SPOCK1: variants seen among roughly 807,000 people sequenced by gnomAD.
SPOCK1 encodes testican-1.
In SPOCK1, 23 loss-of-function variants were observed where a neutral mutation model predicts 55.3. The ratio of observed to expected loss-of-function variants is 0.42; its 90% CI spans 0.30 to 0.59. The LOEUF is 0.59. SPOCK1 is among the 20% of genes least tolerant of loss of function. SPOCK1 has a pLI of 0.22. For missense variants in SPOCK1, 499 were observed against 552.5 expected (o/e 0.90, Z 0.97); for synonymous variants, 226 against 221.0 (o/e 1.02, Z -0.20).
At chr5:137,394,213 T>C (rs1751791183) in intron 2 of SPOCK1, among the ~76,000 whole-genome samples, 1 of 152,216 alleles carries the variant, frequency 6.6e-6, no homozygotes. Flanking sequence ...CTCCTGATAT[T>C]AAGAGTTGTA....
intron 3 of SPOCK1, among the ~76,000 whole-genome samples, chr5:137,181,792 T>C (rs1056865747): frequency 2.0e-5 from 3 of 152,208 alleles, no homozygotes; most frequent in African/African-American, 7.2e-5. Flanking sequence ...GGATAATGTA[T>C]GATAATCTAA....
chr5:137,240,676 T>C (rs1342559425), intron 3 of SPOCK1, among the ~76,000 whole-genome samples: 1 of 152,198 alleles, frequency 6.6e-6, no homozygotes, highest in East Asian at 1.9e-4. Context: ...GCTCTCCTAA[T>C]GATAACCTTG....
chr5:137,249,672 G>A (rs932967129), intron 3 of SPOCK1, among the ~76,000 whole-genome samples: 44 of 152,182 alleles, frequency 2.9e-4, no homozygotes, highest in African/African-American at 1.0e-3. Flanking sequence ...TATGCTATGT[G>A]CATGTTTATT....
Position 137,383,900 on chromosome 5 carries a change from C to T in SPOCK1, c.186+114473G>A, listed in dbSNP as rs536529208. ...CGGTAAAACTCAGCACTGGCTCCCACCTCATCAGCCCAACCAAGGTCACTG... is the reference window on the plus strand; with the variant it reads ...CGGTAAAACTCAGCACTGGCTCCCATCTCATCAGCCCAACCAAGGTCACTG... On this transcript the variant is annotated intron_variant, in intron 2 of 10. Coordinates refer to ENST00000394945, the MANE Select transcript of SPOCK1 (RefSeq NM_004598.4). Among the ~76,000 whole-genome samples, 8 of 152,338 alleles carry T rather than the reference C, an allele frequency of 5.3e-5. No individual in the cohort carries two copies. In the South Asian group the frequency reaches 1.7e-3, roughly 32 times the overall value.
intron 4 of SPOCK1, among the ~76,000 whole-genome samples, chr5:137,117,407 A>G (rs1344714008): frequency 3.3e-5 from 5 of 152,248 alleles, no homozygotes; most frequent in African/African-American, 7.2e-5. Flanking sequence ...TAACCTGTTC[A>G]GTCCCAACTG....
intron 7 of SPOCK1, among the ~76,000 whole-genome samples, chr5:136,990,737 T>C (rs938064567): frequency 2.0e-5 from 3 of 152,170 alleles, no homozygotes; most frequent in Admixed American, 6.5e-5. Flanking sequence ...ATCAATTTTA[T>C]AGGATATCGA....
At chr5:137,013,826 T>C (rs1341411195) in intron 6 of SPOCK1, among the ~76,000 whole-genome samples, 1 of 152,224 alleles carries the variant, frequency 6.6e-6, no homozygotes, top group African/African-American at 2.4e-5. Flanking sequence ...CATCTACTGC[T>C]AATATTGCTA....
intron 3 of SPOCK1, among the ~76,000 whole-genome samples, chr5:137,214,960 A>C (rs908509831): frequency 3.3e-5 from 5 of 152,328 alleles, no homozygotes; most frequent in Admixed American, 1.3e-4. Context: ...TTACTCCTTA[A>C]TTGGGTGCAG....
chr5:137,029,025 G>A (rs1751729420), intron 6 of SPOCK1, among the ~76,000 whole-genome samples: 1 of 152,008 alleles, frequency 6.6e-6, no homozygotes, highest in South Asian at 2.1e-4. Context: ...CCTGCTTATG[G>A]TCAACTGAGT....
intron 3 of SPOCK1, among the ~76,000 whole-genome samples, chr5:137,150,620 A>G (rs575087467): frequency 6.6e-6 from 1 of 152,060 alleles, no homozygotes; most frequent in Non-Finnish European, 1.5e-5. Context: ...GCAGACAAGG[A>G]GTCCAGGGAA....
chr5:137,046,744 T>C (rs1480763555), intron 6 of SPOCK1, among the ~76,000 whole-genome samples: 12 of 38,040 alleles, frequency 3.2e-4, no homozygotes, highest in African/African-American at 7.4e-4. Context: ...CTTCCAGTTT[T>C]TGCCCATTCA....
chr5:137,337,875 G>C (rs1750318351), intron 2 of SPOCK1, among the ~76,000 whole-genome samples: 1 of 152,148 alleles, frequency 6.6e-6, no homozygotes, highest in African/African-American at 2.4e-5. Flanking sequence ...TGATTTGGTA[G>C]CAAGAATACA....
chr5:137,139,938 T>G (rs1199009146), intron 4 of SPOCK1, among the ~76,000 whole-genome samples: 2 of 152,184 alleles, frequency 1.3e-5, no homozygotes, highest in African/African-American at 4.8e-5. Context: ...GGATAGATGA[T>G]GCTGGGAGTG....
intron 8 of SPOCK1, among the ~76,000 whole-genome samples, chr5:136,987,650 CATACATAACTTAAAT>C (rs1435572155): frequency 2.0e-5 from 3 of 152,176 alleles, no homozygotes; most frequent in Non-Finnish European, 4.4e-5. Flanking sequence ...ATTGTCTATG[CATACATAACTTAAAT>C]ACTTTCATAT....
At chr5:137,015,069 G>T (rs1048683023) in intron 6 of SPOCK1, among the ~76,000 whole-genome samples, 1 of 152,140 alleles carries the variant, frequency 6.6e-6, no homozygotes, top group Non-Finnish European at 1.5e-5. Context: ...GCCAAGAGGT[G>T]GCTTAAGTAG....
chr5:137,465,041 T>C (rs1296646492), intron 2 of SPOCK1, among the ~76,000 whole-genome samples: 1 of 152,082 alleles, frequency 6.6e-6, no homozygotes. Flanking sequence ...AACAACGCTA[T>C]AGAAGCCACT....
intron 2 of SPOCK1, among the ~76,000 whole-genome samples, chr5:137,410,755 A>G (rs1033384855): frequency 6.6e-6 from 1 of 152,198 alleles, no homozygotes; most frequent in Non-Finnish European, 1.5e-5. Context: ...CAGCTCTCCA[A>G]TGGACACCAC....
intron 2 of SPOCK1, among the ~76,000 whole-genome samples, chr5:137,480,895 A>AGAGGAAGAGGAG (rs1411841482): frequency 6.6e-6 from 1 of 152,188 alleles, no homozygotes; most frequent in African/African-American, 2.4e-5. Flanking sequence ...AGGAGAGGGA[A>AGAGGAAGAGGAG]GAGGAAGAGG....
intron 2 of SPOCK1, among the ~76,000 whole-genome samples, chr5:137,496,609 C>T (rs1341532340): frequency 6.6e-6 from 1 of 152,194 alleles, no homozygotes; most frequent in Non-Finnish European, 1.5e-5. Context: ...TCAACTCTAT[C>T]TAAAAGATAG....
Sources: allele counts gnomAD v4.1 joint callset (sites outside exome capture counted in the v4.1 genomes callset), GRCh38; gene constraint gnomAD v4.1.1; transcripts MANE v1.5; gene names NCBI Gene and HGNC (gene_info 2026-07-23, HGNC 2026-07-21).